Variants in LRRC69 observed in about 807,000 individuals in gnomAD.
LRRC69 encodes the protein leucine rich repeat containing 69.
LRRC69 carries 42 observed loss-of-function variants against 37.8 expected under a neutral mutation model. The ratio of observed to expected loss-of-function variants is 1.11; its 90% confidence interval spans 0.87 to 1.44. LRRC69 has a LOEUF of 1.44. Ranked by LOEUF, LRRC69 falls within the 40% of genes most tolerant of loss-of-function variation. LRRC69 has a pLI of 0.00. For missense variants in LRRC69, 357 were observed against 401.9 expected (o/e 0.89, Z 0.96); for synonymous variants, 141 against 143.1 (o/e 0.99, Z 0.11).
At chr8:91,124,744 C>T in intron 2 of LRRC69, 125 bp downstream of exon 2, 1 of 776,558 alleles carries the variant, frequency 1.3e-6, no homozygotes, top group Non-Finnish European at 2.0e-6. Flanking sequence ...TATTTACATA[C>T]TACTCTTGAA....
chr8:91,191,961 C>T (rs1809504142), intron 6 of LRRC69, among the ~76,000 whole-genome samples: 1 of 151,396 alleles, frequency 6.6e-6, no homozygotes, highest in African/African-American at 2.4e-5. Flanking sequence ...CGTCATCTAG[C>T]ATTAGGTATA....
chr8:91,118,070 G>A (rs555286247), intron 1 of LRRC69, among the ~76,000 whole-genome samples: 6 of 151,716 alleles, frequency 4.0e-5, no homozygotes, highest in African/African-American at 1.5e-4. Context: ...AAATTTCAGA[G>A]AGCCTAAATA....
chr8:91,211,233 A>G (rs1809910515), intron 7 of LRRC69, among the ~76,000 whole-genome samples: 1 of 152,092 alleles, frequency 6.6e-6, no homozygotes, highest in African/African-American at 2.4e-5. Flanking sequence ...TATAAAAACC[A>G]TGGATTCTAG....
At chr8:91,214,745 C>T (rs1226011754) in intron 7 of LRRC69, among the ~76,000 whole-genome samples, 1 of 151,988 alleles carries the variant, frequency 6.6e-6, no homozygotes, top group Non-Finnish European at 1.5e-5. Flanking sequence ...AACATGATAA[C>T]AGTATTAGTT....
At chr8:91,216,977 G>A (rs1176063176) in intron 7 of LRRC69, among the ~76,000 whole-genome samples, 1 of 152,030 alleles carries the variant, frequency 6.6e-6, no homozygotes, top group African/African-American at 2.4e-5. Flanking sequence ...ACACATTCTA[G>A]TCAACCTTCA....
chr8:91,219,030 C>A, downstream of LRRC69: 1 of 1,272,518 alleles, frequency 7.9e-7, no homozygotes. Context: ...CATAGCCTCA[C>A]TCCACTTGCC....
At chr8:91,108,075 G>A (rs1197675602) in intron 1 of LRRC69, among the ~76,000 whole-genome samples, 1 of 151,962 alleles carries the variant, frequency 6.6e-6, no homozygotes, top group African/African-American at 2.4e-5. Flanking sequence ...AAAGTCCAAC[G>A]GCAGTGTGGC....
rs61733736 is a variant in LRRC69 at position 91,157,877 on chromosome 8, G to A, written c.651+22138G>A. ...GCAGAATGTTTCAAATGCATTTTTA[G>A]ATAAGGGAGAGTTTTACATAGGCTC... On this transcript the variant is annotated intron_variant, in intron 5 of 7. Coordinates refer to ENST00000448384, the Ensembl canonical transcript of LRRC69. 5.5e-4 allele frequency: 879 copies of A among 1,597,714 alleles called. 7 individuals are homozygous for A. The African/African-American group carries it at 0.01, about 19-fold the overall frequency.
chr8:91,151,450 A>G (rs1487276615), intron 5 of LRRC69, among the ~76,000 whole-genome samples: 1 of 150,690 alleles, frequency 6.6e-6, no homozygotes, highest in African/African-American at 2.4e-5. Context: ...GGTCTGAGGG[A>G]CAGTTTGTTA....
At chr8:91,212,320 GT>G (rs147342236) in intron 7 of LRRC69, among the ~76,000 whole-genome samples, 2,240 of 152,102 alleles carry the variant, frequency 0.015, 62 homozygotes, top group East Asian at 0.098. Context: ...ATTTCTTATA[GT>G]TTCGTTAGTT....
chr8:91,177,910 A>G (rs1343736357), intron 5 of LRRC69, among the ~76,000 whole-genome samples: 1 of 142,872 alleles, frequency 7.0e-6, no homozygotes, highest in Non-Finnish European at 1.5e-5. Flanking sequence ...GTACAGTGGC[A>G]TGATCTCGGC....
At chr8:91,168,472 G>C (rs1442608195) in intron 5 of LRRC69, among the ~76,000 whole-genome samples, 1 of 151,874 alleles carries the variant, frequency 6.6e-6, no homozygotes, top group East Asian at 1.9e-4. Context: ...TTCCAGGAAA[G>C]CTTTTGTTTT....
intron 3 of LRRC69, among the ~76,000 whole-genome samples, chr8:91,131,072 A>G (rs2130512107): frequency 6.6e-6 from 1 of 152,088 alleles, no homozygotes; most frequent in African/African-American, 2.4e-5. Context: ...AGACCATAGC[A>G]CTGTCATTTC....
At chr8:91,189,660 A>G in intron 6 of LRRC69, 37 bp downstream of exon 6, 2 of 1,331,866 alleles carry the variant, frequency 1.5e-6, no homozygotes, top group South Asian at 1.4e-5. Flanking sequence ...TCTTCAAACT[A>G]AAGCCACAAT....
chr8:91,112,198 G>A (rs1333426647), intron 1 of LRRC69, among the ~76,000 whole-genome samples: 1 of 151,992 alleles, frequency 6.6e-6, no homozygotes, highest in Non-Finnish European at 1.5e-5. Context: ...TCATTCAGAA[G>A]TGGCTGTGAC....
intron 3 of LRRC69, among the ~76,000 whole-genome samples, chr8:91,129,844 T>C (rs1285225739): frequency 6.6e-6 from 1 of 152,082 alleles, no homozygotes; most frequent in Non-Finnish European, 1.5e-5. Context: ...TTGCTTCCTG[T>C]GTAACACATT....
At chr8:91,110,817 C>G (rs1029192034) in intron 1 of LRRC69, among the ~76,000 whole-genome samples, 1 of 152,026 alleles carries the variant, frequency 6.6e-6, no homozygotes, top group Non-Finnish European at 1.5e-5. Flanking sequence ...ATATGCACTA[C>G]ATTGAACTGA....
intron 6 of LRRC69, among the ~76,000 whole-genome samples, chr8:91,198,828 AC>A (rs1563622885): frequency 2.0e-5 from 3 of 152,198 alleles, no homozygotes; most frequent in African/African-American, 7.2e-5. Flanking sequence ...CCTAAAAGAT[AC>A]TATTGGTCAT....
intron 4 of LRRC69, among the ~76,000 whole-genome samples, chr8:91,133,557 A>G (rs1017355082): frequency 6.6e-6 from 1 of 152,134 alleles, no homozygotes; most frequent in African/African-American, 2.4e-5. Context: ...CAGATAAGCA[A>G]TGATTAAATT....
Sources: gnomAD v4.1 joint callset for allele counts (sites outside exome capture counted in the v4.1 genomes callset) on GRCh38, gnomAD v4.1.1 for gene constraint, MANE v1.5 for transcripts, NCBI Gene and HGNC (gene_info 2026-07-23, HGNC 2026-07-21) for gene names.